The following FARP1 variants were observed in gnomAD, a reference collection of about 807,000 sequenced individuals.
FARP1 encodes FERM, ARHGEF and pleckstrin domain-containing protein 1.
Under a neutral mutation model 128.8 loss-of-function variants are expected in FARP1, and 52 were observed. That is an observed-to-expected ratio of 0.40 (90% confidence interval 0.32 to 0.51). The LOEUF is 0.51. FARP1 is among the 20% of genes least tolerant of loss of function. FARP1 has a pLI of 0.45. For synonymous variants in FARP1, 580 were observed against 551.8 expected (o/e 1.05, Z -0.72); for missense variants, 1,333 against 1,367.9 (o/e 0.97, Z 0.40).
chr13:98,170,418 G>A (rs1273928011), intron 1 of FARP1, among the ~76,000 whole-genome samples: 9 of 152,086 alleles, frequency 5.9e-5, no homozygotes, highest in Admixed American at 1.3e-4. Context: ...GTGCAATGGC[G>A]CGATCTCGGC....
chr13:98,392,963 A>AC (rs1326703474), intron 11 of FARP1, among the ~76,000 whole-genome samples: 1 of 152,172 alleles, frequency 6.6e-6, no homozygotes, highest in African/African-American at 2.4e-5. Context: ...TTCTGTGCTA[A>AC]CCTGGAGTAT....
intron 24 of FARP1, among the ~76,000 whole-genome samples, chr13:98,441,121 C>G (rs912034390): frequency 1.3e-5 from 2 of 152,216 alleles, no homozygotes; most frequent in African/African-American, 4.8e-5. Flanking sequence ...TCTCTTTCTT[C>G]GCCTGTTTTC....
At chr13:98,412,223 C>G (rs1180804471) in intron 16 of FARP1, among the ~76,000 whole-genome samples, 189 bp downstream of exon 16, 1 of 152,174 alleles carries the variant, frequency 6.6e-6, no homozygotes, top group Non-Finnish European at 1.5e-5. Flanking sequence ...CAGTTTCTTT[C>G]CTCTGGTTTG....
intron 5 of FARP1, among the ~76,000 whole-genome samples, chr13:98,369,275 C>G (rs1889226821): frequency 6.6e-6 from 1 of 151,686 alleles, no homozygotes; most frequent in South Asian, 2.1e-4. Context: ...GAGGGCAGAG[C>G]TGGCAGGAAC....
At chr13:98,257,819 T>C (rs780318276) in intron 2 of FARP1, among the ~76,000 whole-genome samples, 2 of 152,210 alleles carry the variant, frequency 1.3e-5, no homozygotes, top group Non-Finnish European at 2.9e-5. Flanking sequence ...GTGGCTACAG[T>C]GGAGATATCC....
chr13:98,406,249 T>A (rs1890967082), intron 13 of FARP1: 1 of 152,208 alleles, frequency 6.6e-6, no homozygotes, highest in Non-Finnish European at 1.5e-5. Context: ...GAAAGGTAAA[T>A]GAGTTACATA....
chr13:98,423,724 G>A (rs771562364), intron 16 of FARP1, among the ~76,000 whole-genome samples: 1 of 152,156 alleles, frequency 6.6e-6, no homozygotes, highest in Non-Finnish European at 1.5e-5. Flanking sequence ...GGTGATAGTG[G>A]TACCTGCCTC....
At chr13:98,213,490 C>T in intron 2 of FARP1, 77 bp downstream of exon 2, 1 of 1,457,240 alleles carries the variant, frequency 6.9e-7, no homozygotes, top group Admixed American at 2.0e-5. Flanking sequence ...GGCTCATTCC[C>T]ATGGCCAGTG....
At chr13:98,446,627 G>A (rs751716848) in intron 25 of FARP1, 39 bp from the exon 26 acceptor site, 1 of 1,607,676 alleles carries the variant, frequency 6.2e-7, no homozygotes, top group Non-Finnish European at 8.5e-7. Flanking sequence ...AGCAGAAGCT[G>A]ACCCCGAAAA....
At chr13:98,276,732 T>A (rs1361913454) in intron 2 of FARP1, among the ~76,000 whole-genome samples, 12 of 152,164 alleles carry the variant, frequency 7.9e-5, no homozygotes, top group Admixed American at 7.9e-4. Context: ...CTAGGAAGAA[T>A]AAATGAACCA....
chr13:98,214,684 C>A (rs1418470213), intron 2 of FARP1, among the ~76,000 whole-genome samples: 2 of 152,194 alleles, frequency 1.3e-5, no homozygotes, highest in Admixed American at 1.3e-4. Context: ...CTTAAAACCA[C>A]CAATTTATTG....
chr13:98,229,653 G>A (rs1192510232), intron 2 of FARP1, among the ~76,000 whole-genome samples: 7 of 149,366 alleles, frequency 4.7e-5, no homozygotes, highest in Admixed American at 4.0e-4. Context: ...CTCCACCAGC[G>A]AATTTTTAGA....
chr13:98,200,532 C>T (rs1879874550), intron 1 of FARP1, among the ~76,000 whole-genome samples: 1 of 152,144 alleles, frequency 6.6e-6, no homozygotes, highest in Non-Finnish European at 1.5e-5. Context: ...GGCTTTCTCT[C>T]CATCTTTTAG....
Position 98,453,089 on chromosome 13 carries a change from G to A in FARP1, c.*4772G>A, listed in dbSNP as rs978833762. 4 of 1,519,064 alleles carry A rather than the reference G, an allele frequency of 2.6e-6. No individual in the cohort carries two copies. Among genetic ancestry groups the A allele is most frequent in the Admixed American group, 1.7e-5 (1 of 58,268 alleles). The allele number at this position is 1,519,064 out of a possible 1,614,324, so 94.1% of individuals were successfully genotyped here. A position where few individuals can be genotyped will look rare whatever the true frequency, so the allele number is the denominator to read the frequency against. ...GTGGCGCACCTCTTCGGTGGAGTCA[G>A]CGAAGGCTCTCGTTGACTTTTAAAA... is the stretch of plus-strand genomic sequence containing the variant. On this transcript the variant is annotated 3_prime_UTR_variant, in exon 27 of 27. Coordinates refer to ENST00000319562, the MANE Select transcript of FARP1 (RefSeq NM_005766.4).
Position 98,452,073 on chromosome 13 carries a change from C to T in FARP1, c.*3756C>T, listed in dbSNP as rs1454367767. ...CTTCCAAAGTGTCTCATCACACACA[C>T]ACAGCCACGAGTACACACGCACGGC... On this transcript the variant is annotated 3_prime_UTR_variant, in exon 27 of 27. Transcript: ENST00000319562. 1 of 152,284 alleles carries T rather than the reference C, an allele frequency of 6.6e-6. No homozygotes were observed. The highest frequency in any genetic ancestry group is 1.5e-5 in the Non-Finnish European group (1 of 68,110). The allele number at this position is 152,284 out of a possible 1,614,324, so 9.4% of individuals were successfully genotyped here. A position where few individuals can be genotyped will look rare whatever the true frequency, so the allele number is the denominator to read the frequency against.
intron 2 of FARP1, chr13:98,328,898 G>T (rs1416790876): frequency 2.6e-5 from 4 of 152,116 alleles, no homozygotes; most frequent in Non-Finnish European, 5.9e-5. Flanking sequence ...AAAACTTAGG[G>T]ATTATTTCTG....
chr13:98,370,275 C>A (rs1174446830), intron 5 of FARP1, among the ~76,000 whole-genome samples: 1 of 152,138 alleles, frequency 6.6e-6, no homozygotes. Context: ...TAAAGGAGGG[C>A]CAGCATGGCA....
At position 98,203,171 on chromosome 13, in the gene FARP1, C is replaced by G. The variant is rs367611182; in HGVS notation, c.-23-10049C>G. On this transcript the variant is annotated intron_variant, in intron 1 of 26. Transcript: ENST00000319562. Reference sequence around the variant, plus strand: ...TGGAGTCAGCTCTCCTTCCAGTTACCTCCCTCTCCTTCCAGAGAGGCTCTT... The same window carrying G: ...TGGAGTCAGCTCTCCTTCCAGTTACGTCCCTCTCCTTCCAGAGAGGCTCTT... 1.5e-3 allele frequency among the ~76,000 whole-genome samples: 222 copies of G among 152,346 alleles called. 1 individual carries two copies. Among genetic ancestry groups the G allele is most frequent in the African/African-American group, 4.4e-3 (183 of 41,590 alleles).
At chr13:98,385,426 C>T (rs534983444) in intron 7 of FARP1, among the ~76,000 whole-genome samples, 2 of 150,964 alleles carry the variant, frequency 1.3e-5, no homozygotes, top group African/African-American at 4.9e-5. Flanking sequence ...ACAAAAAAAA[C>T]AAAAACTGGC....
Sources: allele counts gnomAD v4.1 joint callset (sites outside exome capture counted in the v4.1 genomes callset), GRCh38; gene constraint gnomAD v4.1.1; transcripts MANE v1.5; gene names NCBI Gene and HGNC (gene_info 2026-07-23, HGNC 2026-07-21).